CA10: variants seen among roughly 807,000 people sequenced by gnomAD.
The protein encoded by CA10 is carbonic anhydrase-related protein 10.
Under a neutral mutation model 44.2 loss-of-function variants are expected in CA10, and 14 were observed. That is an observed-to-expected ratio of 0.32 (90% confidence interval 0.21 to 0.50). CA10 has a LOEUF of 0.50. CA10 is among the 20% of genes least tolerant of loss of function. CA10 has a pLI of 0.99. For missense variants in CA10, 350 were observed against 409.7 expected (o/e 0.85, Z 1.26); for synonymous variants, 159 against 141.6 (o/e 1.12, Z -0.87).
intron 3 of CA10, among the ~76,000 whole-genome samples, chr17:51,909,460 T>C (rs1334548558): frequency 6.6e-6 from 1 of 152,154 alleles, no homozygotes; most frequent in Non-Finnish European, 1.5e-5. Flanking sequence ...GGAAGCTCAG[T>C]GTCCTCTGCT....
intron 4 of CA10, among the ~76,000 whole-genome samples, chr17:51,744,508 G>A (rs868006182): frequency 1.5e-3 from 228 of 152,064 alleles, no homozygotes; most frequent in African/African-American, 5.0e-3. Flanking sequence ...TTGTGGGGGG[G>A]CCAAGACAAA....
chr17:52,082,117 C>T (rs1329021241), intron 1 of CA10, among the ~76,000 whole-genome samples: 5 of 152,154 alleles, frequency 3.3e-5, no homozygotes, highest in Non-Finnish European at 5.9e-5. Context: ...CAACACATAT[C>T]GTAGGTACAC....
intron 2 of CA10, among the ~76,000 whole-genome samples, chr17:51,944,343 A>G (rs1270539484): frequency 6.6e-6 from 1 of 152,154 alleles, no homozygotes; most frequent in African/African-American, 2.4e-5. Context: ...GTGGCCTCCA[A>G]CAGGCACTGC....
At chr17:51,814,426 A>T (rs150930097) in intron 3 of CA10, among the ~76,000 whole-genome samples, 86 of 152,314 alleles carry the variant, frequency 5.6e-4, no homozygotes, top group African/African-American at 2.0e-3. Flanking sequence ...TTAGTCCCTC[A>T]AGATACTCTA....
At chr17:51,834,875 C>T (rs1293343887) in intron 3 of CA10, among the ~76,000 whole-genome samples, 1 of 152,172 alleles carries the variant, frequency 6.6e-6, no homozygotes, top group Non-Finnish European at 1.5e-5. Context: ...CATGCAAAAG[C>T]AGACTTTATT....
At chr17:51,739,792 C>T (rs1904384994) in intron 4 of CA10, among the ~76,000 whole-genome samples, 1 of 152,210 alleles carries the variant, frequency 6.6e-6, no homozygotes, top group South Asian at 2.1e-4. Flanking sequence ...ACCATCTGAG[C>T]TTCTGCCTCT....
At chr17:52,118,790 T>C (rs1202597260) in intron 1 of CA10, among the ~76,000 whole-genome samples, 1 of 152,218 alleles carries the variant, frequency 6.6e-6, no homozygotes, top group Non-Finnish European at 1.5e-5. Context: ...TCTTTGTCAA[T>C]CGTGTTTTTG....
At chr17:51,962,057 C>A (rs1983912839) in intron 2 of CA10, among the ~76,000 whole-genome samples, 1 of 152,224 alleles carries the variant, frequency 6.6e-6, no homozygotes, top group Non-Finnish European at 1.5e-5. Context: ...AAGCAGGGCC[C>A]TCTCTGCCCA....
At chr17:51,747,132 C>A (rs370098775) in intron 4 of CA10, among the ~76,000 whole-genome samples, 1 of 152,204 alleles carries the variant, frequency 6.6e-6, no homozygotes, top group East Asian at 1.9e-4. Flanking sequence ...GATGGTGGCA[C>A]ACAGTGACGT....
At chr17:51,725,793 T>A (rs1916496126) in intron 4 of CA10, among the ~76,000 whole-genome samples, 1 of 152,210 alleles carries the variant, frequency 6.6e-6, no homozygotes, top group African/African-American at 2.4e-5. Context: ...GGCTTGCTCT[T>A]TATACATATA....
At chr17:52,045,205 T>G (rs1037217395) in intron 2 of CA10, among the ~76,000 whole-genome samples, 15 of 150,946 alleles carry the variant, frequency 9.9e-5, no homozygotes, top group Admixed American at 9.9e-4. Context: ...GATTTTATTA[T>G]CTAGTAAAAA....
At chr17:51,725,584 C>A (rs115195876) in intron 4 of CA10, among the ~76,000 whole-genome samples, 2,882 of 152,284 alleles carry the variant, frequency 0.019, 100 homozygotes, top group African/African-American at 0.065. Flanking sequence ...TACCCAGTGG[C>A]CACTTGCTGG....
chr17:51,699,556 G>A (rs982907530), intron 4 of CA10, among the ~76,000 whole-genome samples: 2 of 152,206 alleles, frequency 1.3e-5, no homozygotes, highest in East Asian at 1.9e-4. Flanking sequence ...TAGCTTCAGC[G>A]AAGACATCCC....
intron 3 of CA10, among the ~76,000 whole-genome samples, chr17:51,841,198 C>A (rs1276252300): frequency 3.9e-5 from 6 of 152,182 alleles, no homozygotes; most frequent in African/African-American, 1.4e-4. Flanking sequence ...CCTCCCACAC[C>A]ACCCTTAAGC....
intron 4 of CA10, among the ~76,000 whole-genome samples, chr17:51,723,341 T>G (rs1026221140): frequency 6.6e-6 from 1 of 152,038 alleles, no homozygotes; most frequent in African/African-American, 2.4e-5. Context: ...AGGGATGAAA[T>G]TGGAGGATGA....
intron 4 of CA10, among the ~76,000 whole-genome samples, chr17:51,658,874 C>G (rs993968909): frequency 6.6e-6 from 1 of 152,188 alleles, no homozygotes; most frequent in African/African-American, 2.4e-5. Flanking sequence ...AGTTCACATT[C>G]AAGCACATGC....
At chr17:51,759,897 A>T (rs565579163) in intron 3 of CA10, among the ~76,000 whole-genome samples, 15 of 152,308 alleles carry the variant, frequency 9.8e-5, no homozygotes, top group South Asian at 2.1e-4. Context: ...AAATATATGT[A>T]GTGGGTTATA....
chr17:51,631,620 GAA>G lies in CA10; in HGVS notation c.965-16_965-15del. ...GCCATTCATTTACTGCAAAGAGAGA[GAA>G]AGAAAAAAAAAATCACACATACAAC... is the stretch of plus-strand genomic sequence containing the variant. On this transcript the variant is annotated splice_polypyrimidine_tract_variant and intron_variant, in intron 8 of 8. Transcript: ENST00000451037. 6.2e-7 allele frequency: 1 copy of G among 1,602,322 alleles called. No individual in the cohort carries two copies. The highest frequency in any genetic ancestry group is 8.5e-7 in the Non-Finnish European group (1 of 1,173,666).
chr17:51,849,187 A>ATATATACATATATGTG (rs1567860312), intron 3 of CA10, among the ~76,000 whole-genome samples: 3 of 64,540 alleles, frequency 4.6e-5, no homozygotes, highest in African/African-American at 3.3e-4. Context: ...ATATATGTAT[A>ATATATACATATATGTG]TATATATATA....
Sources: gnomAD v4.1 joint callset for allele counts (sites outside exome capture counted in the v4.1 genomes callset) on GRCh38, gnomAD v4.1.1 for gene constraint, MANE v1.5 for transcripts, NCBI Gene and HGNC (gene_info 2026-07-23, HGNC 2026-07-21) for gene names.